The following VWF variants were observed in gnomAD, a reference collection of about 807,000 sequenced individuals.
VWF encodes von Willebrand factor.
Under a neutral mutation model 308.6 loss-of-function variants are expected in VWF, and 176 were observed. The observed-to-expected ratio is 0.57, with a 90% CI of 0.50 to 0.65. The LOEUF (loss-of-function observed/expected upper bound fraction) is 0.65, where lower values mean the gene tolerates loss of function less well. Among genes scored for constraint, VWF ranks in the 30% least tolerant of loss-of-function variants. The pLI is 0.00. For missense variants in VWF, 3,146 were observed against 3,648.2 expected (o/e 0.86, Z 3.55); for synonymous variants, 1,385 against 1,443.4 (o/e 0.96, Z 0.92).
Position 6,020,748 on chromosome 12 carries a change from G to A in VWF, c.3675-1005C>T, listed in dbSNP as rs1218112015. 6.6e-6 allele frequency among the ~76,000 whole-genome samples: 1 copy of A among 152,248 alleles called. No homozygotes were observed. Among genetic ancestry groups the A allele is most frequent in the African/African-American group, 2.4e-5 (1 of 41,466 alleles). On this transcript the variant is annotated intron_variant, in intron 27 of 51. Transcript: ENST00000261405. This position sits in a 1 kb window ranked among gnomAD's most constrained non-coding sequence, Gnocchi z 4.3. ...AAAGCTGACAAGGCGGCAGCGCCCT[G>A]AGCCTGGGAAGTGTCCCCCTGCGGC...
At position 5,949,046 on chromosome 12, in the gene VWF, C is replaced by T. The variant is rs267607370; in HGVS notation, c.8411G>A (p.Cys2804Tyr). ...GCTGCACTTCCTGGGGGAGCATTTG[C>T]ACTCCATGGCATTGAGAACCTCATG... ...VYHEVLNAME[C>Y]KCSPRKCSK Residue 2804 changes from cysteine (C) to tyrosine (Y), a missense_variant, in exon 52 of 52, where the codon TGC (cysteine) becomes TAC (tyrosine). Coordinates refer to ENST00000261405, the MANE Select transcript of VWF (RefSeq NM_000552.5). 3 of 1,613,814 alleles carry T rather than the reference C, an allele frequency of 1.9e-6. No individual in the cohort carries two copies. Among genetic ancestry groups the T allele is most frequent in the African/African-American group, 1.3e-5 (1 of 74,954 alleles).
chr12:6,075,283 G>A lies in VWF; in HGVS notation c.874+52C>T. 1.2e-6 allele frequency: 2 copies of A among 1,611,050 alleles called. No homozygotes were observed. The highest frequency in any genetic ancestry group is 1.7e-5 in the Admixed American group (1 of 60,006). ...GAAGCACCCTAAGGGACACCACCCA[G>A]GACAGACCGTTCATCCCCGGCAGGG... On this transcript the variant is annotated intron_variant, in intron 7 of 51. Coordinates refer to ENST00000261405, the MANE Select transcript of VWF (RefSeq NM_000552.5). This position sits in a 1 kb window ranked among gnomAD's most constrained non-coding sequence, Gnocchi z 4.7.
At chr12:6,004,345 T>C (rs1943904596) in intron 34 of VWF, among the ~76,000 whole-genome samples, 1 of 152,044 alleles carries the variant, frequency 6.6e-6, no homozygotes, top group African/African-American at 2.4e-5. Context: ...CCATAGATGC[T>C]GAAAAAGCCT....
At chr12:6,035,895 C>T (rs1944331327) in intron 19 of VWF, among the ~76,000 whole-genome samples, 1 of 152,212 alleles carries the variant, frequency 6.6e-6, no homozygotes, top group Non-Finnish European at 1.5e-5. Context: ...AGGGTGACAC[C>T]TTTACTTTCT....
intron 6 of VWF, among the ~76,000 whole-genome samples, chr12:6,089,855 C>T (rs2136491747): frequency 6.6e-6 from 1 of 152,344 alleles, no homozygotes. Context: ...TCCCCTTCAT[C>T]TGCCTGGAGA....
intron 6 of VWF, among the ~76,000 whole-genome samples, chr12:6,077,380 A>G (rs1392624678): frequency 6.6e-6 from 1 of 152,212 alleles, no homozygotes; most frequent in Non-Finnish European, 1.5e-5. Flanking sequence ...GCTCAACTGC[A>G]GAAGTGCAGC....
intron 11 of VWF, among the ~76,000 whole-genome samples, 170 bp downstream of exon 11, chr12:6,064,967 G>A (rs1944695125): frequency 1.3e-5 from 2 of 152,224 alleles, no homozygotes; most frequent in South Asian, 4.1e-4. Context: ...AGGGAGAGAG[G>A]GGATGGGCTG....
At chr12:6,015,424 A>G (rs1057441961) in intron 31 of VWF, among the ~76,000 whole-genome samples, 25 of 151,990 alleles carry the variant, frequency 1.6e-4, no homozygotes, top group Admixed American at 5.2e-4. Flanking sequence ...CAGCACTCCT[A>G]GGCAGGGTTC....
At chr12:6,052,974 T>A (rs773976858) in intron 15 of VWF, among the ~76,000 whole-genome samples, 191 bp from the exon 16 acceptor site, 5 of 152,188 alleles carry the variant, frequency 3.3e-5, no homozygotes, top group Non-Finnish European at 5.9e-5. Flanking sequence ...TACCCAGTTT[T>A]CCCCAAGTGA....
In VWF at chr12:6,011,792, G is replaced by T; in HGVS notation, c.5667C>A (p.Pro1889=). ...CMDEDGNEKR[P]GDVWTLPDQC... is the part of the protein sequence containing the mutation. ...GGTCTGGCAAGGTCCAGACGTCCCC[G>T]GGCTGCAGAAGAAAACAGCAGATTC... Residue 1889 remains proline, a splice_region_variant and synonymous_variant, in exon 34 of 52, where the codon CCC becomes CCA. Transcript: ENST00000261405. 1.9e-6 allele frequency: 3 copies of T among 1,609,416 alleles called. No individual in the cohort carries two copies. The highest frequency in any genetic ancestry group is 2.5e-6 in the Non-Finnish European group (3 of 1,176,522).
intron 6 of VWF, among the ~76,000 whole-genome samples, chr12:6,082,972 C>T (rs1221581729): frequency 6.6e-6 from 1 of 152,170 alleles, no homozygotes; most frequent in Non-Finnish European, 1.5e-5. Flanking sequence ...GTGGCTGTAG[C>T]TCAGGTTTTA....
chr12:6,095,122 G>A (rs1243829264), intron 6 of VWF, among the ~76,000 whole-genome samples: 1 of 152,050 alleles, frequency 6.6e-6, no homozygotes, highest in Non-Finnish European at 1.5e-5. Context: ...GAAGGTCCTT[G>A]CAAGACACTG....
chr12:6,029,463 T>C lies in VWF; in HGVS notation c.2846A>G (p.Asp949Gly). The change falls in exon 22 of 52, where the codon GAT becomes GGT. Residue 949 changes from aspartate (D) to glycine (G), a missense_variant. Coordinates refer to ENST00000261405, the MANE Select transcript of VWF (RefSeq NM_000552.5). ...GEVNVKRPMKDETHFEVVESG... is the reference protein window; with the variant it reads ...GEVNVKRPMKGETHFEVVESG... ...CTCCACCACCTCAAAGTGAGTCTCATCCTTCATGGGCCTCTTCACATTCAC... is the reference window on the plus strand; with the variant it reads ...CTCCACCACCTCAAAGTGAGTCTCACCCTTCATGGGCCTCTTCACATTCAC... The C allele has an allele frequency of 6.2e-7, 1 of 1,614,100 alleles. No individual in the cohort carries two copies. The highest frequency in any genetic ancestry group is 8.5e-7 in the Non-Finnish European group (1 of 1,180,026).
intron 5 of VWF, among the ~76,000 whole-genome samples, chr12:6,101,360 T>C (rs908759756): frequency 5.3e-5 from 8 of 151,244 alleles, no homozygotes; most frequent in Admixed American, 2.6e-4. Flanking sequence ...CACAATCAAT[T>C]CTCACCAACC....
chr12:6,019,156 T>C lies in VWF; in HGVS notation c.4262A>G (p.Asn1421Ser), dbSNP rs1944099463. 6.2e-7 allele frequency: 1 copy of C among 1,613,904 alleles called. No homozygotes were observed. The highest frequency in any genetic ancestry group is 8.5e-7 in the Non-Finnish European group (1 of 1,179,852). The change falls in exon 28 of 52, where the codon AAC (asparagine) becomes AGC (serine). Residue 1421 changes from asparagine to serine, a missense_variant. By Grantham distance (46) the Asn-to-Ser change is conservative. Transcript: ENST00000261405. This position sits in a 1 kb window ranked among gnomAD's most constrained non-coding sequence, Gnocchi z 5.8. ...VIPVGIGPHANLKQIRLIEKQ... is the reference protein window; with the variant it reads ...VIPVGIGPHASLKQIRLIEKQ... ...CTCGATGAGGCGGATCTGCTTGAGG[T>C]TGGCATGGGGCCCAATGCCCACCGG...
At position 5,952,464 on chromosome 12, in the gene VWF, C is replaced by G; in HGVS notation, c.8042G>C (p.Arg2681Thr). Reference protein sequence around the residue: ...CDTHFCKVNERGEYFWEKRVT... With the variant: ...CDTHFCKVNETGEYFWEKRVT... ...CCTCTTCTCCCAGAAGTACTCTCCT[C>G]TCTCATTGACCTTGCAGAAGTGAGT... is the stretch of plus-strand genomic sequence containing the variant. Residue 2681 changes from arginine to threonine, a missense_variant, in exon 49 of 52, where the codon AGA becomes ACA. Physicochemically the swap from Arg to Thr is moderately conservative, Grantham distance 71. Coordinates refer to ENST00000261405, the MANE Select transcript of VWF (RefSeq NM_000552.5). 1 of 1,614,198 alleles carries G rather than the reference C, an allele frequency of 6.2e-7. No homozygotes were observed. The highest frequency in any genetic ancestry group is 1.1e-5 in the South Asian group (1 of 91,086).
intron 5 of VWF, among the ~76,000 whole-genome samples, chr12:6,108,948 T>C (rs1945273714): frequency 7.1e-6 from 1 of 141,828 alleles, no homozygotes; most frequent in African/African-American, 2.7e-5. Flanking sequence ...GCCACTGCAC[T>C]CCAGCCTGGG....
intron 50 of VWF, among the ~76,000 whole-genome samples, 186 bp downstream of exon 50, chr12:5,951,658 G>A (rs962318156): frequency 2.0e-5 from 3 of 152,204 alleles, no homozygotes; most frequent in Non-Finnish European, 2.9e-5. Flanking sequence ...TCCAAGGAGG[G>A]GAGGCTGCTC....
At chr12:6,113,573 C>T (rs1007226109) in intron 3 of VWF, among the ~76,000 whole-genome samples, 1 of 152,180 alleles carries the variant, frequency 6.6e-6, no homozygotes, top group Admixed American at 6.5e-5. Flanking sequence ...GGATTACAGG[C>T]GTGAGCCACC....
Sources: allele counts gnomAD v4.1 joint callset (sites outside exome capture counted in the v4.1 genomes callset), GRCh38; gene constraint gnomAD v4.1.1; non-coding constraint Gnocchi (gnomAD v3.1); transcripts MANE v1.5; gene names NCBI Gene and HGNC (gene_info 2026-07-23, HGNC 2026-07-21).